Variants in CPS1 observed in about 807,000 individuals in gnomAD.
CPS1 encodes carbamoyl-phosphate synthase [ammonia], mitochondrial.
In CPS1, 109 loss-of-function variants were observed where a neutral mutation model predicts 174.6. The ratio of observed to expected loss-of-function variants is 0.62; its 90% CI spans 0.53 to 0.73. CPS1 has a LOEUF of 0.73. Ranked by LOEUF, CPS1 falls within the 30% of genes least tolerant of loss-of-function variation. The pLI, the probability that CPS1 is intolerant of heterozygous loss-of-function variation, is 0.00. For synonymous variants in CPS1, 637 were observed against 632.0 expected, an observed-to-expected ratio of 1.01 and a Z score of -0.12; for missense variants, 1,689 against 1,821.9, an observed-to-expected ratio of 0.93 and a Z score of 1.33.
At chr2:210,674,711 C>A in intron 34 of CPS1, 191 bp from the exon 35 acceptor site, 1 of 612,186 alleles carries the variant, frequency 1.6e-6, no homozygotes, top group Non-Finnish European at 2.9e-6. Flanking sequence ...GATGGAATTT[C>A]ATTGACATTG....
chr2:210,658,459 A>G (rs1000867176), intron 30 of CPS1, 140 bp from the exon 31 acceptor site: 18 of 664,220 alleles, frequency 2.7e-5, no homozygotes, highest in Non-Finnish European at 4.6e-5. Context: ...GCCCTCCATT[A>G]TAATTATTAA....
chr2:210,629,940 G>A (rs1699815079), intron 21 of CPS1, among the ~76,000 whole-genome samples: 1 of 151,578 alleles, frequency 6.6e-6, no homozygotes, highest in South Asian at 2.1e-4. Context: ...GGGCGTGGTG[G>A]CAGGCGCCTG....
At chr2:210,640,870 T>C (rs146872005) in intron 24 of CPS1, among the ~76,000 whole-genome samples, 7 of 152,314 alleles carry the variant, frequency 4.6e-5, no homozygotes, top group African/African-American at 1.7e-4. Context: ...ACCACCTTAG[T>C]CATTGTCTTA....
At chr2:210,611,619 G>C (rs139845635) in intron 19 of CPS1, among the ~76,000 whole-genome samples, 4 of 151,946 alleles carry the variant, frequency 2.6e-5, no homozygotes, top group Non-Finnish European at 5.9e-5. Flanking sequence ...GACTCTCAAG[G>C]TTCTATTAAT....
At chr2:210,662,779 G>A (rs1212490122) in intron 32 of CPS1, among the ~76,000 whole-genome samples, 8 of 152,254 alleles carry the variant, frequency 5.3e-5, no homozygotes, top group Non-Finnish European at 8.8e-5. Flanking sequence ...TTTGAACTCT[G>A]TCTGGAGAGA....
chr2:210,677,859 G>T, intron 37 of CPS1, 28 bp from the exon 38 acceptor site: 1 of 1,521,500 alleles, frequency 6.6e-7, no homozygotes, highest in Non-Finnish European at 9.1e-7. Flanking sequence ...CTCATGGAGG[G>T]TGCTGATTCC....
intron 1 of CPS1, among the ~76,000 whole-genome samples, chr2:210,565,910 A>C (rs1025351918): frequency 2.0e-5 from 3 of 152,214 alleles, no homozygotes; most frequent in Admixed American, 2.0e-4. Context: ...TTTGGGGAGC[A>C]TGCTCTCTAT....
At position 210,494,704 on chromosome 2, in the gene CPS1, A is replaced by G. The variant is rs1294958128; in HGVS notation, c.3+16938A>G. 2.0e-5 allele frequency among the ~76,000 whole-genome samples: 3 copies of G among 152,220 alleles called. No individual in the cohort carries two copies. In the East Asian group the frequency reaches 5.8e-4, roughly 29 times the overall value. On this transcript the variant is annotated intron_variant, in intron 1 of 38. Transcript: ENST00000430249. ...AAATAACAAAATTATTTGTTATTTT[A>G]ATTGTGTGCACAAGCTGTCTCCTTT... is the stretch of plus-strand genomic sequence containing the variant.
At chr2:210,584,064 T>C (rs1277115551) in intron 6 of CPS1, among the ~76,000 whole-genome samples, 8 of 152,150 alleles carry the variant, frequency 5.3e-5, no homozygotes, top group Non-Finnish European at 8.8e-5. Context: ...GAGATGTTTA[T>C]GGGATACTGC....
At chr2:210,492,250 C>T (rs1694893768) in intron 1 of CPS1, among the ~76,000 whole-genome samples, 1 of 152,148 alleles carries the variant, frequency 6.6e-6, no homozygotes, top group Admixed American at 6.5e-5. Context: ...AGCTTAATGA[C>T]CCAAAACTTT....
intron 1 of CPS1, among the ~76,000 whole-genome samples, chr2:210,521,143 A>T (rs1464193621): frequency 2.0e-5 from 3 of 152,056 alleles, no homozygotes; most frequent in Non-Finnish European, 4.4e-5. Flanking sequence ...AGCCATTCTT[A>T]TAAGCAGGTA....
intron 1 of CPS1, among the ~76,000 whole-genome samples, chr2:210,492,563 CT>C (rs1018921200): frequency 0.015 from 2,188 of 143,944 alleles, 41 homozygotes; most frequent in African/African-American, 0.048. Flanking sequence ...TTAGAAGATA[CT>C]TTTTTTTTTT....
intron 6 of CPS1, among the ~76,000 whole-genome samples, chr2:210,584,421 T>G (rs943159923): frequency 6.6e-6 from 1 of 152,156 alleles, no homozygotes; most frequent in African/African-American, 2.4e-5. Flanking sequence ...ATTGAAATTC[T>G]TAGAAAGGAA....
chr2:210,585,759 C>A (rs1698088035), intron 6 of CPS1, among the ~76,000 whole-genome samples: 1 of 151,862 alleles, frequency 6.6e-6, no homozygotes, highest in African/African-American at 2.4e-5. Context: ...ACTCCTTATA[C>A]CTTTTACATA....
Position 210,533,809 on chromosome 2 carries a change from A to G in CPS1, c.4-22910A>G, listed in dbSNP as rs908736622. On this transcript the variant is annotated intron_variant, in intron 1 of 38. Transcript: ENST00000430249. ...AGGAACCTGAGGGATCATGCACCAG[A>G]CAGTGGCCTACCAGGGGGCATTAAT... is the stretch of plus-strand genomic sequence containing the variant. Among the ~76,000 whole-genome samples the G allele has an allele frequency of 5.3e-5, 8 of 152,258 alleles. No individual in the cohort carries two copies. In the East Asian group the frequency reaches 1.5e-3, roughly 29 times the overall value.
intron 24 of CPS1, among the ~76,000 whole-genome samples, chr2:210,641,235 C>T (rs944888765): frequency 2.6e-5 from 4 of 152,174 alleles, no homozygotes; most frequent in Admixed American, 2.6e-4. Context: ...ACTCCTCCCA[C>T]CTCAGCCTCC....
intron 15 of CPS1, among the ~76,000 whole-genome samples, chr2:210,601,947 T>C (rs1192052819): frequency 6.6e-6 from 1 of 152,016 alleles, no homozygotes; most frequent in Non-Finnish European, 1.5e-5. Context: ...TCTGTTTCAA[T>C]AGGACAGGAT....
intron 1 of CPS1, among the ~76,000 whole-genome samples, chr2:210,478,712 C>G (rs1371028674): frequency 1.3e-5 from 2 of 152,138 alleles, no homozygotes; most frequent in Non-Finnish European, 2.9e-5. Context: ...GCAATGACTT[C>G]CCACATTTTA....
intron 1 of CPS1, among the ~76,000 whole-genome samples, chr2:210,480,859 C>T (rs1260094450): frequency 1.3e-5 from 2 of 152,196 alleles, no homozygotes; most frequent in Non-Finnish European, 2.9e-5. Flanking sequence ...CCAGCTGGGA[C>T]TGTGTACTAC....
Sources: gnomAD v4.1 joint callset for allele counts (sites outside exome capture counted in the v4.1 genomes callset) on GRCh38, gnomAD v4.1.1 for gene constraint, MANE v1.5 for transcripts, NCBI Gene and HGNC (gene_info 2026-07-23, HGNC 2026-07-21) for gene names.